The following FNDC3B variants were observed in gnomAD, a reference collection of about 807,000 sequenced individuals.
The protein encoded by FNDC3B is fibronectin type III domain-containing protein 3B.
FNDC3B carries 12 observed loss-of-function variants against 151.5 expected under a neutral mutation model. The ratio of observed to expected loss-of-function variants is 0.08; its 90% CI spans 0.05 to 0.13. The LOEUF (loss-of-function observed/expected upper bound fraction) is 0.13. Ranked by LOEUF, FNDC3B falls within the 10% of genes least tolerant of loss-of-function variation. The pLI is 1.00. For synonymous variants in FNDC3B, 528 were observed against 549.0 expected (o/e 0.96, Z 0.54); for missense variants, 1,214 against 1,505.3 (o/e 0.81, Z 3.20).
chr3:172,206,394 T>C (rs972371472), intron 3 of FNDC3B, among the ~76,000 whole-genome samples: 1 of 152,084 alleles, frequency 6.6e-6, no homozygotes, highest in Non-Finnish European at 1.5e-5. Flanking sequence ...CGCGGTGGCT[T>C]ATGCCTGTAA....
At chr3:172,090,453 CAG>C (rs1718763156) in intron 1 of FNDC3B, among the ~76,000 whole-genome samples, 5 of 146,386 alleles carry the variant, frequency 3.4e-5, no homozygotes, top group African/African-American at 1.2e-4. Context: ...AACAAACAAA[CAG>C]GGAGCTGGAG....
intron 3 of FNDC3B, among the ~76,000 whole-genome samples, chr3:172,219,572 C>G (rs1343312641): frequency 6.6e-6 from 1 of 152,122 alleles, no homozygotes; most frequent in Non-Finnish European, 1.5e-5. Flanking sequence ...TTTTCATCAC[C>G]CCAAAAAGCT....
chr3:172,125,852 C>G (rs974720055), intron 2 of FNDC3B, among the ~76,000 whole-genome samples: 1 of 151,966 alleles, frequency 6.6e-6, no homozygotes, highest in East Asian at 1.9e-4. Flanking sequence ...GATACCGTAC[C>G]GGGTTGCTCA....
chr3:172,055,322 C>T (rs1369296461), intron 1 of FNDC3B, among the ~76,000 whole-genome samples: 1 of 152,082 alleles, frequency 6.6e-6, no homozygotes, highest in African/African-American at 2.4e-5. Context: ...TGATTTTGGA[C>T]CTATTTTCTT....
chr3:172,237,084 G>C (rs552626679), intron 4 of FNDC3B, among the ~76,000 whole-genome samples: 1 of 152,210 alleles, frequency 6.6e-6, no homozygotes, highest in Non-Finnish European at 1.5e-5. Flanking sequence ...CATGTACAAA[G>C]CCAGTGGAAG....
chr3:172,177,552 T>G (rs1474839413), intron 3 of FNDC3B, among the ~76,000 whole-genome samples: 1 of 151,456 alleles, frequency 6.6e-6, no homozygotes, highest in East Asian at 1.9e-4. Context: ...AAGCTTATAC[T>G]GTATTATATT....
At chr3:172,299,234 A>G (rs932181618) in intron 9 of FNDC3B, among the ~76,000 whole-genome samples, 1 of 152,216 alleles carries the variant, frequency 6.6e-6, no homozygotes, top group African/African-American at 2.4e-5. Context: ...TGAAAAAGAC[A>G]AGTAATACAA....
At chr3:172,312,854 G>A (rs568365856) in intron 11 of FNDC3B, among the ~76,000 whole-genome samples, 12 of 152,258 alleles carry the variant, frequency 7.9e-5, no homozygotes, top group African/African-American at 2.4e-4. Context: ...AGAATTTGAA[G>A]TGAGAGTGTC....
At chr3:172,123,084 G>T (rs1720631184) in intron 2 of FNDC3B, among the ~76,000 whole-genome samples, 1 of 152,194 alleles carries the variant, frequency 6.6e-6, no homozygotes. Flanking sequence ...TGTTCCCCAG[G>T]CTGTAGTACA....
intron 3 of FNDC3B, among the ~76,000 whole-genome samples, chr3:172,213,489 T>C (rs930139462): frequency 1.6e-4 from 25 of 152,224 alleles, no homozygotes; most frequent in African/African-American, 5.8e-4. Context: ...TGAGTAGGGA[T>C]GTCTGGAAAA....
chr3:172,045,192 G>A (rs1716301526), intron 1 of FNDC3B, among the ~76,000 whole-genome samples: 1 of 152,154 alleles, frequency 6.6e-6, no homozygotes, highest in Non-Finnish European at 1.5e-5. Context: ...TGCTTGGACA[G>A]TTTGAAAAAT....
chr3:172,273,747 T>C (rs1252649238), intron 6 of FNDC3B, among the ~76,000 whole-genome samples: 1 of 152,218 alleles, frequency 6.6e-6, no homozygotes, highest in African/African-American at 2.4e-5. Flanking sequence ...TCTTTATCCT[T>C]ACTGAAAGAC....
At chr3:172,241,079 C>T (rs144011415) in intron 4 of FNDC3B, among the ~76,000 whole-genome samples, 114 of 152,264 alleles carry the variant, frequency 7.5e-4, no homozygotes, top group African/African-American at 2.6e-3. Flanking sequence ...CAGATTTCTT[C>T]ATTAGCCTGA....
chr3:172,348,544 C>G (rs1461495987), intron 21 of FNDC3B, among the ~76,000 whole-genome samples: 1 of 152,140 alleles, frequency 6.6e-6, no homozygotes, highest in African/African-American at 2.4e-5. Context: ...TGTTTTTCTA[C>G]CAAGGCAGGA....
intron 6 of FNDC3B, among the ~76,000 whole-genome samples, chr3:172,252,503 G>T (rs1262472079): frequency 6.6e-6 from 1 of 151,062 alleles, no homozygotes; most frequent in East Asian, 2.0e-4. Context: ...AACACTCATT[G>T]AATTTATGGA....
intron 25 of FNDC3B, among the ~76,000 whole-genome samples, chr3:172,385,672 C>A (rs1735675793): frequency 6.6e-6 from 1 of 151,880 alleles, no homozygotes; most frequent in Admixed American, 6.6e-5. Flanking sequence ...CATTCTCCTG[C>A]CTCAGCCTCC....
At chr3:172,091,779 A>G (rs1001701345) in intron 1 of FNDC3B, among the ~76,000 whole-genome samples, 1 of 152,030 alleles carries the variant, frequency 6.6e-6, no homozygotes, top group East Asian at 1.9e-4. Flanking sequence ...TGGAATTTGT[A>G]TTTAGTCATC....
intron 11 of FNDC3B, among the ~76,000 whole-genome samples, chr3:172,327,595 G>A (rs1229414937): frequency 6.6e-6 from 1 of 152,200 alleles, no homozygotes; most frequent in African/African-American, 2.4e-5. Flanking sequence ...TAGTACAGAT[G>A]TGGTTTCACT....
chr3:172,202,611 T>TA (rs1278740554), intron 3 of FNDC3B, among the ~76,000 whole-genome samples: 1 of 152,222 alleles, frequency 6.6e-6, no homozygotes, highest in African/African-American at 2.4e-5. Flanking sequence ...AACAGTGTAT[T>TA]GGTCTCTTTC....
Sources: allele counts gnomAD v4.1 joint callset (sites outside exome capture counted in the v4.1 genomes callset), GRCh38; gene constraint gnomAD v4.1.1; transcripts MANE v1.5; gene names NCBI Gene and HGNC (gene_info 2026-07-23, HGNC 2026-07-21).